Variants in ERF observed in about 807,000 individuals in gnomAD.
The protein encoded by ERF is ETS domain-containing transcription factor ERF.
In ERF, 10 loss-of-function variants were observed where a neutral mutation model predicts 41.6. The observed-to-expected ratio is 0.24, with a 90% confidence interval of 0.15 to 0.41. The LOEUF (loss-of-function observed/expected upper bound fraction) is 0.41, where lower values mean the gene tolerates loss of function less well. Among genes scored for constraint, ERF ranks in the 10% least tolerant of loss-of-function variants. The pLI, the probability that ERF is intolerant of heterozygous loss-of-function variation, is 1.00. For missense variants in ERF, 621 were observed against 763.2 expected (o/e 0.81, Z 2.19); for synonymous variants, 395 against 342.4 (o/e 1.15, Z -1.70).
In ERF at chr19:42,249,299, C is replaced by A. The variant is rs367694248; in HGVS notation, c.813G>T (p.Thr271=). 18 of 1,598,866 alleles carry A rather than the reference C, an allele frequency of 1.1e-5. No individual in the cohort carries two copies. In the African/African-American group the frequency reaches 1.7e-4, roughly 15 times the overall value. The change falls in exon 4 of 4, where the codon ACG becomes ACT. Residue 271 remains threonine (T), a synonymous_variant. Coordinates refer to ENST00000222329, the MANE Select transcript of ERF (RefSeq NM_006494.4). This position sits in a 1 kb window ranked among gnomAD's most constrained non-coding sequence, Gnocchi z 8.6. ...AGGGAGTGTAGGCCAGGTGGGTGGG[C>A]GTCATGGGCAGAGCCGGGGAGAGCT... is the stretch of plus-strand genomic sequence containing the variant. The part of the protein sequence containing the change: ...PPQLSPALPM[T]PTHLAYTPSP...
intron 1 of ERF, chr19:42,251,159 T>C: frequency 1.1e-6 from 1 of 948,138 alleles, no homozygotes; most frequent in Non-Finnish European, 1.3e-6. Context: ...GAGGCTTCTG[T>C]CTTCCCTGGA....
Position 42,248,927 on chromosome 19 carries a change from G to C in ERF, c.1185C>G (p.Ala395=), listed in dbSNP as rs746369293. The C allele has an allele frequency of 6.2e-7, 1 of 1,606,824 alleles. No individual in the cohort carries two copies. The highest frequency in any genetic ancestry group is 8.5e-7 in the Non-Finnish European group (1 of 1,179,676). The change falls in exon 4 of 4, where the codon GCC becomes GCG. Residue 395 remains alanine (A), a synonymous_variant. Coordinates refer to ENST00000222329, the MANE Select transcript of ERF (RefSeq NM_006494.4). The surrounding 1 kb of genome is among the most constrained non-coding windows in gnomAD (Gnocchi z 4.2). Reference sequence around the variant, plus strand: ...CACCGCTCTTGTCAGCACCGGCTACGGCCTTCTCCCCAGCTGCCCGCTGCC... The same window carrying C: ...CACCGCTCTTGTCAGCACCGGCTACCGCCTTCTCCCCAGCTGCCCGCTGCC... ...GRRQRAAGEK[A]VAGADKSGGS... is the part of the protein sequence containing the mutation.
rs1163291053 is a variant in ERF at position 42,248,318 on chromosome 19, TAA to T, written c.*145_*146del. 1.5e-6 allele frequency: 1 copy of T among 657,844 alleles called. No individual in the cohort carries two copies. Among genetic ancestry groups the T allele is most frequent in the African/African-American group, 1.9e-5 (1 of 51,516 alleles). 40.8% of individuals were successfully genotyped at this position (657,844 alleles called of 1,614,324 possible). On this transcript the variant is annotated 3_prime_UTR_variant, in exon 4 of 4. Coordinates refer to ENST00000222329, the MANE Select transcript of ERF (RefSeq NM_006494.4). The surrounding 1 kb of genome is among the most constrained non-coding windows in gnomAD (Gnocchi z 4.2). ...CCCACCATTTTTAAAAAAAAGAAAT[TAA>T]AGTTTTATACAAAATGTGGGGAGGG...
intron 1 of ERF, 140 bp downstream of exon 1, chr19:42,254,838 A>C: frequency 1.0e-6 from 1 of 973,440 alleles, no homozygotes; most frequent in Non-Finnish European, 1.4e-6. Context: ...ACGAGAAGCA[A>C]CAGGTCTCCA....
At chr19:42,252,070 G>A (rs989927831) in intron 1 of ERF, among the ~76,000 whole-genome samples, 2 of 152,148 alleles carry the variant, frequency 1.3e-5, no homozygotes, top group African/African-American at 4.8e-5. Flanking sequence ...TCGCTCTCTT[G>A]GGAATCTAGG....
Position 42,248,390 on chromosome 19 carries a change from C to A in ERF, c.*75G>T. ...AGAGACAAGAGAGCTGCCCTCACCTCCAGGGCATAGGGGGCTTAAGGCAGC... is the reference window on the plus strand; with the variant it reads ...AGAGACAAGAGAGCTGCCCTCACCTACAGGGCATAGGGGGCTTAAGGCAGC... On this transcript the variant is annotated 3_prime_UTR_variant, in exon 4 of 4. Coordinates refer to ENST00000222329, the MANE Select transcript of ERF (RefSeq NM_006494.4). The surrounding 1 kb of genome is among the most constrained non-coding windows in gnomAD (Gnocchi z 4.2). 1 of 1,299,946 alleles carries A rather than the reference C, an allele frequency of 7.7e-7. No homozygotes were observed. The highest frequency in any genetic ancestry group is 1.0e-6 in the Non-Finnish European group (1 of 997,890). The allele number at this position is 1,299,946 out of a possible 1,614,324, so 80.5% of individuals were successfully genotyped here.
chr19:42,253,789 G>GTGGGGA (rs2036486138), intron 1 of ERF: 2 of 700,024 alleles, frequency 2.9e-6, no homozygotes, highest in South Asian at 6.9e-5. Flanking sequence ...TGGGAATGGG[G>GTGGGGA]TGGGAATGGG....
In ERF at chr19:42,250,306, T is replaced by C. The variant is rs775304347; in HGVS notation, c.257+25A>G. 6.2e-7 allele frequency: 1 copy of C among 1,610,006 alleles called. No individual in the cohort carries two copies. The highest frequency in any genetic ancestry group is 1.1e-5 in the South Asian group (1 of 90,630). ...CCCCGGGGGGGCACTCCACATGTGCTCAGGGGTCCCCAGCCCGTCCTCACC... is the reference window on the plus strand; with the variant it reads ...CCCCGGGGGGGCACTCCACATGTGCCCAGGGGTCCCCAGCCCGTCCTCACC... On this transcript the variant is annotated intron_variant, in intron 2 of 3. Coordinates refer to ENST00000222329, the MANE Select transcript of ERF (RefSeq NM_006494.4). The surrounding 1 kb of genome is among the most constrained non-coding windows in gnomAD (Gnocchi z 5.1).
In ERF at chr19:42,250,534, T is replaced by G; in HGVS notation, c.54A>C (p.Pro18=). ...TCTGCCTTGAGCCAGGGGACGACTC[T>G]GGCTTGTAGGCCCAATCCGGGAAGG... The part of the protein sequence containing the change: ...GFAFPDWAYK[P]ESSPGSRQIQ... The change falls in exon 2 of 4, where the codon CCA becomes CCC. Residue 18 remains proline, a synonymous_variant. Coordinates refer to ENST00000222329, the MANE Select transcript of ERF (RefSeq NM_006494.4). This position sits in a 1 kb window ranked among gnomAD's most constrained non-coding sequence, Gnocchi z 5.1. The G allele has an allele frequency of 6.2e-7, 1 of 1,613,562 alleles. No homozygotes were observed. The highest frequency in any genetic ancestry group is 8.5e-7 in the Non-Finnish European group (1 of 1,180,012).
At chr19:42,251,902 G>A (rs1049289159) in intron 1 of ERF, among the ~76,000 whole-genome samples, 6 of 151,850 alleles carry the variant, frequency 4.0e-5, no homozygotes, top group Middle Eastern at 3.4e-3. Flanking sequence ...CATAGCCCCC[G>A]GAGTCCCTGC....
Position 42,250,841 on chromosome 19 carries a change from G to A in ERF, c.23-276C>T, listed in dbSNP as rs1312713901. ...GCGGTGGGTCCCGGGGCCAGTGCCA[G>A]GGGGCCAGGCACCAAGCCAGGCTGG... On this transcript the variant is annotated intron_variant, in intron 1 of 3. Coordinates refer to ENST00000222329, the MANE Select transcript of ERF (RefSeq NM_006494.4). The surrounding 1 kb of genome is among the most constrained non-coding windows in gnomAD (Gnocchi z 5.1). Among the ~76,000 whole-genome samples, 3 of 152,152 alleles carry A rather than the reference G, an allele frequency of 2.0e-5. No individual in the cohort carries two copies. The highest frequency in any genetic ancestry group is 4.4e-5 in the Non-Finnish European group (3 of 68,006).
chr19:42,252,955 T>G (rs1006214409), intron 1 of ERF, among the ~76,000 whole-genome samples: 1 of 150,504 alleles, frequency 6.6e-6, no homozygotes, highest in Non-Finnish European at 1.5e-5. Flanking sequence ...AGCAGGCACA[T>G]GGAGAGAGGG....
rs375393145 is a variant in ERF, at chr19:42,254,989, G to T, written c.11C>A (p.Pro4Gln). The change falls in exon 1 of 4, where the codon CCG becomes CAG. Residue 4 changes from proline to glutamine, a missense_variant. This residue lies in a region of ERF where 34 missense variants were observed against 56.8 expected (regional missense o/e 0.60). Coordinates refer to ENST00000222329, the MANE Select transcript of ERF (RefSeq NM_006494.4). The stretch of plus-strand genomic sequence containing the variant: ...GCCCCCGCCCCCACCTGTGTCCGCC[G>T]GGGTCTTCATGCTGGGGGGCCCGGG... MKT[P>Q]ADTGFAFPDW... 6.8e-7 allele frequency: 1 copy of T among 1,471,828 alleles called. No homozygotes were observed. The allele number at this position is 1,471,828 out of a possible 1,614,324, so 91.2% of individuals were successfully genotyped here. A position where few individuals can be genotyped will look rare whatever the true frequency, so the allele number is the denominator to read the frequency against.
intron 1 of ERF, among the ~76,000 whole-genome samples, chr19:42,252,680 G>A (rs574498453): frequency 7.4e-4 from 113 of 152,188 alleles, no homozygotes; most frequent in Non-Finnish European, 1.3e-3. Flanking sequence ...CCACAACGGC[G>A]GCTTTCCTCA....
rs1472436298 is a variant in ERF at position 42,248,990 on chromosome 19, T to G, written c.1122A>C (p.Pro374=). ...GGGGCGGCTGGAGCTTAAACTTGAATGGGGAGGAAGAAGAAGAAGAGGATG... is the reference window on the plus strand; with the variant it reads ...GGGGCGGCTGGAGCTTAAACTTGAAGGGGGAGGAAGAAGAAGAAGAGGATG... ...ASSSSSSSSS[P]FKFKLQPPPL... The change falls in exon 4 of 4, where the codon CCA becomes CCC. Residue 374 remains proline (P), a synonymous_variant. Transcript: ENST00000222329. This position sits in a 1 kb window ranked among gnomAD's most constrained non-coding sequence, Gnocchi z 4.2. 6.2e-7 allele frequency: 1 copy of G among 1,608,196 alleles called. No homozygotes were observed. The highest frequency in any genetic ancestry group is 2.2e-5 in the East Asian group (1 of 44,816).
At position 42,250,553 on chromosome 19, in the gene ERF, G is replaced by A. The variant is rs1381524812; in HGVS notation, c.35C>T (p.Pro12Leu). 3 of 1,613,324 alleles carry A rather than the reference G, an allele frequency of 1.9e-6. No homozygotes were observed. The highest frequency in any genetic ancestry group is 2.5e-6 in the Non-Finnish European group (3 of 1,179,962). Residue 12 changes from proline to leucine, a missense_variant, in exon 2 of 4, where the codon CCG (proline) becomes CTG (leucine). This residue lies in a region of ERF where 34 missense variants were observed against 56.8 expected (regional missense o/e 0.60). Coordinates refer to ENST00000222329, the MANE Select transcript of ERF (RefSeq NM_006494.4). This position sits in a 1 kb window ranked among gnomAD's most constrained non-coding sequence, Gnocchi z 5.1. Reference protein sequence around the residue: ...KTPADTGFAFPDWAYKPESSP... With the variant: ...KTPADTGFAFLDWAYKPESSP... The stretch of plus-strand genomic sequence containing the variant: ...CGACTCTGGCTTGTAGGCCCAATCC[G>A]GGAAGGCAAACCCTGGGGACGGGAG...
Position 42,250,044 on chromosome 19 carries a change from G to T in ERF, c.258-102C>A. ...TAGGTGTGGTTCCCAAAGGCCAACT[G>T]AGGAACGTAGGCCACAAAAGACAAA... On this transcript the variant is annotated intron_variant, in intron 2 of 3. Coordinates refer to ENST00000222329, the MANE Select transcript of ERF (RefSeq NM_006494.4). The surrounding 1 kb of genome is among the most constrained non-coding windows in gnomAD (Gnocchi z 5.1). 2 of 1,150,662 alleles carry T rather than the reference G, an allele frequency of 1.7e-6. No individual in the cohort carries two copies. Among genetic ancestry groups the T allele is most frequent in the Non-Finnish European group, 2.6e-6 (2 of 765,326 alleles). 71.3% of individuals were successfully genotyped at this position (1,150,662 alleles called of 1,614,324 possible).
rs144595082 is a variant in ERF, at chr19:42,248,616, C to G, written c.1496G>C (p.Gly499Ala). 8 of 1,581,704 alleles carry G rather than the reference C, an allele frequency of 5.1e-6. No homozygotes were observed. The South Asian group carries it at 6.9e-5, about 14-fold the overall frequency. ...CTCATCCTCAAAGCCCCCAGCGGGG[C>G]CCCCACCCCCTTCGAGGCGACAGTC... ...SEDCRLEGGG[G>A]PAGGFEDEGE... is the part of the protein sequence containing the mutation. The change falls in exon 4 of 4, where the codon GGC becomes GCC. Residue 499 changes from glycine to alanine, a missense_variant. Gly to Ala is a moderately conservative substitution (Grantham distance 60, BLOSUM62 0). Transcript: ENST00000222329. This position sits in a 1 kb window ranked among gnomAD's most constrained non-coding sequence, Gnocchi z 4.2.
chr19:42,253,684 C>A (rs1327641225), intron 1 of ERF, among the ~76,000 whole-genome samples: 1 of 152,032 alleles, frequency 6.6e-6, no homozygotes, highest in Non-Finnish European at 1.5e-5. Flanking sequence ...CCCAGGGCCC[C>A]TCCTCGGTCC....
Sources: allele counts gnomAD v4.1 joint callset (sites outside exome capture counted in the v4.1 genomes callset), GRCh38; gene constraint gnomAD v4.1.1; regional missense constraint gnomAD v4.1.1; non-coding constraint Gnocchi (gnomAD v3.1); transcripts MANE v1.5; gene names NCBI Gene and HGNC (gene_info 2026-07-23, HGNC 2026-07-21).